PDE3A: variants seen among roughly 807,000 people sequenced by gnomAD.
The protein encoded by PDE3A is cGMP-inhibited 3',5'-cyclic phosphodiesterase 3A.
Under a neutral mutation model 98.3 loss-of-function variants are expected in PDE3A, and 43 were observed. That is an observed-to-expected ratio of 0.44 (90% CI 0.34 to 0.56). The LOEUF is 0.56. Among genes scored for constraint, PDE3A ranks in the 20% least tolerant of loss-of-function variants. PDE3A has a pLI of 0.01. For synonymous variants in PDE3A, 663 were observed against 567.9 expected (o/e 1.17, Z -2.38); for missense variants, 1,427 against 1,440.7 (o/e 0.99, Z 0.15).
At chr12:20,505,492 T>C (rs543360079) in intron 1 of PDE3A, among the ~76,000 whole-genome samples, 48 of 152,234 alleles carry the variant, frequency 3.2e-4, no homozygotes, top group Non-Finnish European at 5.6e-4. Context: ...GGGGGCTCTT[T>C]TGTACTGAAG....
At chr12:20,602,615 C>A (rs945381135) in intron 2 of PDE3A, among the ~76,000 whole-genome samples, 5 of 152,142 alleles carry the variant, frequency 3.3e-5, no homozygotes, top group African/African-American at 9.7e-5. Context: ...TTTCACATCT[C>A]ACATGGAACC....
intron 1 of PDE3A, among the ~76,000 whole-genome samples, chr12:20,462,065 T>A (rs1390327022): frequency 2.0e-5 from 3 of 152,178 alleles, no homozygotes; most frequent in African/African-American, 7.2e-5. Flanking sequence ...CAAACAGGGT[T>A]ATTACTAATC....
At chr12:20,672,797 T>C (rs1335435252) in intron 15 of PDE3A, among the ~76,000 whole-genome samples, 1 of 134,080 alleles carries the variant, frequency 7.5e-6, no homozygotes, top group East Asian at 2.2e-4. Context: ...GGGCAAGGAC[T>C]TCATGTCTAA....
chr12:20,398,867 T>C (rs1223596568), intron 1 of PDE3A, among the ~76,000 whole-genome samples: 3 of 152,196 alleles, frequency 2.0e-5, no homozygotes, highest in Non-Finnish European at 1.5e-5. Flanking sequence ...TACAGTTCAG[T>C]GACATTAAGT....
chr12:20,437,340 T>C (rs545798373), intron 1 of PDE3A, among the ~76,000 whole-genome samples: 34 of 152,336 alleles, frequency 2.2e-4, no homozygotes, highest in Non-Finnish European at 3.8e-4. Context: ...ATCATATCCC[T>C]ACTATATGCT....
chr12:20,558,834 C>T (rs192883162), intron 2 of PDE3A, among the ~76,000 whole-genome samples: 2 of 152,224 alleles, frequency 1.3e-5, no homozygotes, highest in African/African-American at 4.8e-5. Context: ...ACAAGTTGCA[C>T]TTGAACACAG....
intron 15 of PDE3A, among the ~76,000 whole-genome samples, chr12:20,675,546 C>G (rs1945613413): frequency 6.6e-6 from 1 of 152,152 alleles, no homozygotes; most frequent in Non-Finnish European, 1.5e-5. Context: ...GTGTCTCTCT[C>G]CCTTTAGATC....
Position 20,611,607 on chromosome 12 carries a change from T to G in PDE3A, c.1012-1836T>G, listed in dbSNP as rs1943855948. 2.6e-5 allele frequency among the ~76,000 whole-genome samples: 4 copies of G among 151,990 alleles called. No individual in the cohort carries two copies. In the South Asian group the frequency reaches 8.3e-4, roughly 32 times the overall value. ...GACTTGTGGTTAATATATATCAACT[T>G]TACCATTATTATTATAGTTATTGTA... On this transcript the variant is annotated intron_variant, in intron 2 of 15. Coordinates refer to ENST00000359062, the MANE Select transcript of PDE3A (RefSeq NM_000921.5).
Position 20,464,419 on chromosome 12 carries a change from C to T in PDE3A, c.961-92241C>T, listed in dbSNP as rs547257391. ...ATTGGAATTATTTTTTCAGCTCTCG[C>T]TTTTTATATCAATAACTTTGATATT... On this transcript the variant is annotated intron_variant, in intron 1 of 15. Coordinates refer to ENST00000359062, the MANE Select transcript of PDE3A (RefSeq NM_000921.5). Among the ~76,000 whole-genome samples the T allele has an allele frequency of 5.6e-4, 86 of 152,254 alleles. No homozygotes were observed. The South Asian group carries it at 0.018, about 31-fold the overall frequency.
chr12:20,396,185 A>T (rs1307051532), intron 1 of PDE3A, among the ~76,000 whole-genome samples: 1 of 152,152 alleles, frequency 6.6e-6, no homozygotes, highest in African/African-American at 2.4e-5. Flanking sequence ...AATGGTGAAA[A>T]ATATAATCGT....
At chr12:20,675,834 A>G (rs1340140446) in intron 15 of PDE3A, among the ~76,000 whole-genome samples, 5 of 151,960 alleles carry the variant, frequency 3.3e-5, no homozygotes, top group Admixed American at 2.6e-4. Context: ...CTTCTAGTCT[A>G]TATCTGTCTT....
At chr12:20,377,860 T>C (rs1476194080) in intron 1 of PDE3A, among the ~76,000 whole-genome samples, 1 of 151,940 alleles carries the variant, frequency 6.6e-6, no homozygotes, top group South Asian at 2.1e-4. Flanking sequence ...AGGAGTTTGG[T>C]ATGTAACAGG....
intron 1 of PDE3A, among the ~76,000 whole-genome samples, chr12:20,479,086 T>C (rs972983818): frequency 1.1e-4 from 17 of 152,224 alleles, no homozygotes; most frequent in African/African-American, 3.9e-4. Context: ...TAGTTTGGAA[T>C]TCATTTTTGA....
intron 15 of PDE3A, among the ~76,000 whole-genome samples, chr12:20,660,855 G>A (rs1182189127): frequency 6.6e-6 from 1 of 152,038 alleles, no homozygotes; most frequent in South Asian, 2.1e-4. Context: ...GGAAATGGAC[G>A]AATACAGTAA....
chr12:20,470,195 G>A (rs1295474108), intron 1 of PDE3A, among the ~76,000 whole-genome samples: 1 of 151,560 alleles, frequency 6.6e-6, no homozygotes, highest in Non-Finnish European at 1.5e-5. Flanking sequence ...TTTGTTTTTA[G>A]TATACCAGAA....
intron 1 of PDE3A, among the ~76,000 whole-genome samples, chr12:20,426,759 G>T (rs1303328972): frequency 6.6e-6 from 1 of 152,098 alleles, no homozygotes; most frequent in Non-Finnish European, 1.5e-5. Context: ...AAAACTAATG[G>T]GTACCAGTGC....
chr12:20,645,013 C>T (rs1381074723), intron 10 of PDE3A, among the ~76,000 whole-genome samples: 9 of 151,722 alleles, frequency 5.9e-5, no homozygotes, highest in Non-Finnish European at 8.8e-5. Context: ...CTCAGCCTCC[C>T]GAGTAGCTGG....
At chr12:20,592,620 C>A (rs902067698) in intron 2 of PDE3A, among the ~76,000 whole-genome samples, 1 of 152,292 alleles carries the variant, frequency 6.6e-6, no homozygotes, top group East Asian at 1.9e-4. Context: ...TAGTCAGGGA[C>A]TGCTGAAAAT....
intron 1 of PDE3A, among the ~76,000 whole-genome samples, chr12:20,483,892 T>C (rs1401418155): frequency 1.3e-5 from 2 of 152,204 alleles, no homozygotes; most frequent in African/African-American, 4.8e-5. Flanking sequence ...ATTTTAAAAA[T>C]GTATAATGCT....
Sources: gnomAD v4.1 joint callset for allele counts (sites outside exome capture counted in the v4.1 genomes callset) on GRCh38, gnomAD v4.1.1 for gene constraint, MANE v1.5 for transcripts, NCBI Gene and HGNC (gene_info 2026-07-23, HGNC 2026-07-21) for gene names.